The following PCDH15 variants were observed in gnomAD, a reference collection of about 807,000 sequenced individuals.
The protein encoded by PCDH15 is protocadherin related 15.
Under a neutral mutation model 178.5 loss-of-function variants are expected in PCDH15, and 129 were observed. That is an observed-to-expected ratio of 0.72 (90% CI 0.63 to 0.84). The LOEUF (loss-of-function observed/expected upper bound fraction) is 0.84, where lower values mean the gene tolerates loss of function less well. Ranked by LOEUF, PCDH15 falls within the 40% of genes least tolerant of loss-of-function variation. The pLI is 0.00. For missense variants in PCDH15, 2,230 were observed against 2,099.9 expected, an observed-to-expected ratio of 1.06 and a Z score of -1.21; for synonymous variants, 800 against 732.0, an observed-to-expected ratio of 1.09 and a Z score of -1.50.
At chr10:54,947,615 A>G (rs918056278) in intron 2 of PCDH15, among the ~76,000 whole-genome samples, 2 of 151,778 alleles carry the variant, frequency 1.3e-5, no homozygotes, top group African/African-American at 4.8e-5. Context: ...GTGTGTGTGC[A>G]CATGTGTGTG....
intron 8 of PCDH15, among the ~76,000 whole-genome samples, chr10:54,261,133 G>A (rs1213516991): frequency 6.6e-6 from 1 of 152,004 alleles, no homozygotes; most frequent in African/African-American, 2.4e-5. Context: ...AAACTGTTAG[G>A]ATAAAGACAT....
At chr10:55,310,991 G>A (rs1414311024) in intron 1 of PCDH15, among the ~76,000 whole-genome samples, 1 of 152,132 alleles carries the variant, frequency 6.6e-6, no homozygotes, top group East Asian at 1.9e-4. Flanking sequence ...AACTGCACAT[G>A]TATCACAAAA....
intron 1 of PCDH15, among the ~76,000 whole-genome samples, chr10:54,774,006 G>C (rs537059293): frequency 5.4e-4 from 49 of 90,678 alleles, no homozygotes; most frequent in South Asian, 1.8e-3. Flanking sequence ...TACTTCATAG[G>C]CTTTTTTTTT....
At chr10:54,877,968 T>TGAAACGGAG (rs1954181125) in intron 3 of PCDH15, among the ~76,000 whole-genome samples, 1 of 75,288 alleles carries the variant, frequency 1.3e-5, no homozygotes, top group Non-Finnish European at 2.7e-5. Context: ...TTTTTTTTTT[T>TGAAACGGAG]TTTTTTTTTG....
Position 54,573,538 on chromosome 10 carries a change from T to G in PCDH15, c.92-45661A>C, listed in dbSNP as rs542724485. 7.9e-5 allele frequency among the ~76,000 whole-genome samples: 12 copies of G among 152,310 alleles called. No individual in the cohort carries two copies. The East Asian group carries it at 2.1e-3, about 27-fold the overall frequency. ...CATTTCCCCTGAAGGTGAATTCAGA[T>G]TCTTTAGGCATTTTCCCAAAAATAA... On this transcript the variant is annotated intron_variant, in intron 2 of 37. Coordinates refer to ENST00000644397, the MANE Select transcript of PCDH15 (RefSeq NM_001384140.1).
intron 2 of PCDH15, among the ~76,000 whole-genome samples, chr10:55,004,450 C>T (rs187641952): frequency 6.6e-6 from 1 of 152,240 alleles, no homozygotes; most frequent in East Asian, 1.9e-4. Context: ...GAATTCCTTT[C>T]TCAGGAAATC....
At chr10:54,192,132 GAGAAAGAGAAAGAAAGAAAGAAAA>G (rs1365558609) in intron 11 of PCDH15, among the ~76,000 whole-genome samples, 3 of 100,746 alleles carry the variant, frequency 3.0e-5, no homozygotes, top group African/African-American at 1.6e-4. Flanking sequence ...AAGAAAGAAA[GAGAAAGAGAAAGAAAGAAAGAAAA>G]AGAAAGAAAG....
intron 2 of PCDH15, among the ~76,000 whole-genome samples, chr10:55,476,537 T>A (rs1840065568): frequency 6.6e-6 from 1 of 151,994 alleles, no homozygotes; most frequent in Non-Finnish European, 1.5e-5. Flanking sequence ...AATGTTGCCA[T>A]GCATATAAAA....
At chr10:55,572,947 C>T (rs1208303292) in intron 2 of PCDH15, among the ~76,000 whole-genome samples, 3 of 151,988 alleles carry the variant, frequency 2.0e-5, no homozygotes, top group African/African-American at 7.2e-5. Context: ...GTCACTAGAA[C>T]AAATACACTG....
At chr10:54,229,133 G>C (rs1162357039) in intron 9 of PCDH15, among the ~76,000 whole-genome samples, 5 of 152,178 alleles carry the variant, frequency 3.3e-5, no homozygotes, top group Non-Finnish European at 7.3e-5. Context: ...CACCAACAGA[G>C]ATGGAAAAAT....
intron 1 of PCDH15, among the ~76,000 whole-genome samples, chr10:54,671,668 G>A (rs752141943): frequency 6.6e-6 from 1 of 152,134 alleles, no homozygotes; most frequent in Admixed American, 6.5e-5. Flanking sequence ...AGTGTTTACT[G>A]AGCACTGATT....
intron 2 of PCDH15, among the ~76,000 whole-genome samples, chr10:54,612,538 A>C (rs1354457560): frequency 6.6e-6 from 1 of 151,778 alleles, no homozygotes; most frequent in Non-Finnish European, 1.5e-5. Flanking sequence ...TAGAGATATA[A>C]CCAGCAAAGT....
At chr10:55,533,748 CA>C (rs200404581) in intron 2 of PCDH15, among the ~76,000 whole-genome samples, 10 of 149,026 alleles carry the variant, frequency 6.7e-5, no homozygotes, top group South Asian at 2.1e-4. Context: ...TATATGGAAC[CA>C]AAAAAAAAGA....
intron 1 of PCDH15, among the ~76,000 whole-genome samples, chr10:55,250,445 T>C (rs755386895): frequency 3.4e-5 from 5 of 146,866 alleles, no homozygotes; most frequent in Non-Finnish European, 4.5e-5. Context: ...CTGCACCCAA[T>C]CATAATAATA....
At position 55,556,665 on chromosome 10, in the gene PCDH15, G is replaced by A. The variant is rs376409282; in HGVS notation, c.-156+70960C>T. Among the ~76,000 whole-genome samples the A allele has an allele frequency of 7.9e-5, 12 of 151,478 alleles. No homozygotes were observed. The South Asian group carries it at 1.5e-3, about 18-fold the overall frequency. ...GGCCAATATGGTGAAACCCTGTCCC[G>A]CAAAGAAAAAAAAAGGTACAAAAAT... On this transcript the variant is annotated intron_variant, in intron 2 of 5. Coordinates refer to the PCDH15 transcript ENST00000613346.
chr10:55,610,678 T>C (rs777916753), intron 2 of PCDH15, among the ~76,000 whole-genome samples: 1 of 152,068 alleles, frequency 6.6e-6, no homozygotes, highest in Non-Finnish European at 1.5e-5. Flanking sequence ...TGTTAATCTA[T>C]TGTAGGGTGT....
chr10:53,887,820 C>T (rs1315290118), intron 26 of PCDH15, among the ~76,000 whole-genome samples: 4 of 152,068 alleles, frequency 2.6e-5, no homozygotes, highest in Non-Finnish European at 4.4e-5. Flanking sequence ...ACCCGGGAGG[C>T]GTAGCTTGCA....
At chr10:53,820,851 T>C (rs1192313700) in intron 32 of PCDH15, among the ~76,000 whole-genome samples, 1 of 152,158 alleles carries the variant, frequency 6.6e-6, no homozygotes, top group South Asian at 2.1e-4. Flanking sequence ...TACAGTTTTA[T>C]TTTCTTTGTT....
At chr10:55,064,735 T>A (rs1398220866) in intron 2 of PCDH15, among the ~76,000 whole-genome samples, 1 of 152,122 alleles carries the variant, frequency 6.6e-6, no homozygotes, top group Non-Finnish European at 1.5e-5. Flanking sequence ...CATTTACTTC[T>A]AATTCTCTTC....
Sources: gnomAD v4.1 joint callset for allele counts (sites outside exome capture counted in the v4.1 genomes callset) on GRCh38, gnomAD v4.1.1 for gene constraint, MANE v1.5 for transcripts, NCBI Gene and HGNC (gene_info 2026-07-23, HGNC 2026-07-21) for gene names.